ZC4H2: variants seen among roughly 807,000 people sequenced by gnomAD.
ZC4H2 encodes the protein zinc finger C4H2 domain-containing protein.
For synonymous variants in ZC4H2, 84 were observed against 66.3 expected (o/e 1.27, Z -1.30); for missense variants, 137 against 173.9 (o/e 0.79, Z 1.19).
At chrX:64,956,489 T>G (rs1931161201) in intron 1 of ZC4H2, among the ~76,000 whole-genome samples, 1 of 111,303 alleles carries the variant, frequency 9.0e-6, no homozygotes, top group Admixed American at 9.6e-5. Context: ...GAAAAAAATA[T>G]GCAACCATGA....
Position 64,921,859 on chromosome X carries a change from G to A in ZC4H2, c.183C>T (p.Ala61=). The change falls in exon 2 of 5, where the codon GCC becomes GCT. Residue 61 remains alanine, a synonymous_variant. Transcript: ENST00000374839. ...EMDLLLQEKM[A]HVEELRLIHA... is the part of the protein sequence containing the mutation. ...GGATCAGTCGGAGTTCCTCCACATGGGCCATCTTCTCCTGTAGCAGAAGGT... is the reference window on the plus strand; with the variant it reads ...GGATCAGTCGGAGTTCCTCCACATGAGCCATCTTCTCCTGTAGCAGAAGGT... 2.5e-6 allele frequency: 3 copies of A among 1,210,274 alleles called. No individual in the cohort carries two copies. Among genetic ancestry groups the A allele is most frequent in the South Asian group, 1.8e-5 (1 of 56,796 alleles).
At position 64,915,853 on chromosome X, in the gene ZC4H2, T is replaced by C. The variant is rs900373900; in HGVS notation, c.*1930A>G. 8.9e-6 allele frequency: 1 copy of C among 112,088 alleles called. No individual in the cohort carries two copies. The highest frequency in any genetic ancestry group is 3.2e-5 in the African/African-American group (1 of 30,867). 9.2% of individuals were successfully genotyped at this position (112,088 alleles called of 1,213,427 possible). A position where few individuals can be genotyped will look rare whatever the true frequency, so the allele number is the denominator to read the frequency against. On this transcript the variant is annotated 3_prime_UTR_variant, in exon 5 of 5. Coordinates refer to ENST00000374839, the MANE Select transcript of ZC4H2 (RefSeq NM_018684.4). Reference sequence around the variant, plus strand: ...GGCACAGAGAGGTTTTATTTAGCTGTTGAATTCCCTGACAAGCACAGAGAC... The same window carrying C: ...GGCACAGAGAGGTTTTATTTAGCTGCTGAATTCCCTGACAAGCACAGAGAC...
chrX:64,921,723 G>C, intron 2 of ZC4H2, 94 bp downstream of exon 2: 1 of 987,416 alleles, frequency 1.0e-6, no homozygotes, highest in South Asian at 2.4e-5. Flanking sequence ...TGCTCCCCGA[G>C]CTAGGCCTAA....
intron 1 of ZC4H2, among the ~76,000 whole-genome samples, chrX:64,934,153 C>T (rs1258256867): frequency 8.9e-6 from 1 of 112,164 alleles, no homozygotes; most frequent in African/African-American, 3.2e-5. Flanking sequence ...TTTTGTCCCA[C>T]AGGGTGTTAC....
At chrX:65,017,434 G>A (rs1271051396) in intron 1 of ZC4H2, among the ~76,000 whole-genome samples, 4 of 112,711 alleles carry the variant, frequency 3.5e-5, no homozygotes, top group African/African-American at 1.3e-4. Flanking sequence ...AGCAATATCA[G>A]AATGTCTACA....
chrX:64,926,978 A>G (rs1253003363), intron 1 of ZC4H2, among the ~76,000 whole-genome samples: 3 of 111,300 alleles, frequency 2.7e-5, no homozygotes, highest in African/African-American at 9.8e-5. Flanking sequence ...GTTGAGTTTT[A>G]ATATTTCTTT....
chrX:64,979,278 C>T (rs1932039178), upstream of ZC4H2, among the ~76,000 whole-genome samples: 1 of 111,960 alleles, frequency 8.9e-6, no homozygotes, highest in Non-Finnish European at 1.9e-5. Context: ...TACTTTTCAG[C>T]CAGAAGGTGC....
At chrX:64,986,304 G>A (rs776570412) in intron 1 of ZC4H2, among the ~76,000 whole-genome samples, 36 of 112,153 alleles carry the variant, frequency 3.2e-4, no homozygotes, top group Admixed American at 1.4e-3. Context: ...CAAGCTAGAT[G>A]CTCTGCCTTC....
chrX:64,954,345 T>A (rs1390095171), intron 1 of ZC4H2, among the ~76,000 whole-genome samples: 3 of 73,822 alleles, frequency 4.1e-5, no homozygotes, highest in East Asian at 3.5e-4. Context: ...TATAATTATA[T>A]ATATATATAA....
intron 1 of ZC4H2, among the ~76,000 whole-genome samples, chrX:65,001,118 A>G (rs1932526598): frequency 9.0e-6 from 1 of 111,117 alleles, no homozygotes; most frequent in Non-Finnish European, 1.9e-5. Flanking sequence ...AAGAGTAACC[A>G]GAAGACACAT....
At chrX:64,952,502 C>G (rs1930902739) in intron 1 of ZC4H2, among the ~76,000 whole-genome samples, 1 of 110,658 alleles carries the variant, frequency 9.0e-6, no homozygotes, top group Non-Finnish European at 1.9e-5. Flanking sequence ...GCAAAAATCA[C>G]AAGCATTCTT....
At chrX:64,958,455 A>C (rs1025678494) in intron 1 of ZC4H2, among the ~76,000 whole-genome samples, 1 of 111,577 alleles carries the variant, frequency 9.0e-6, no homozygotes, top group African/African-American at 3.3e-5. Flanking sequence ...ATATTGGCCA[A>C]TTTCCAAAAT....
In ZC4H2 at chrX:64,935,451, C is replaced by T. The variant is rs765752626; in HGVS notation, c.54-13463G>A. ...AGCTCTGAAGAGAGCAGTGGACCTC[C>T]CAGCACAGCATTCAAGCTCTGCTAA... is the stretch of plus-strand genomic sequence containing the variant. On this transcript the variant is annotated intron_variant, in intron 1 of 4. Coordinates refer to ENST00000374839, the MANE Select transcript of ZC4H2 (RefSeq NM_018684.4). Among the ~76,000 whole-genome samples, 4 of 112,218 alleles carry T rather than the reference C, an allele frequency of 3.6e-5. No homozygotes were observed. In the East Asian group the frequency reaches 1.1e-3, roughly 32 times the overall value.
chrX:64,939,400 G>T (rs1930162447), intron 1 of ZC4H2, among the ~76,000 whole-genome samples: 1 of 111,718 alleles, frequency 9.0e-6, no homozygotes, highest in Admixed American at 9.5e-5. Context: ...TCCCCATCAA[G>T]ATACCATTGA....
intron 1 of ZC4H2, among the ~76,000 whole-genome samples, chrX:64,993,434 G>A (rs936726354): frequency 1.2e-4 from 13 of 111,374 alleles, no homozygotes; most frequent in African/African-American, 3.9e-4. Context: ...CCAAGACGAT[G>A]GTATTAGTAG....
chrX:64,918,221 C>G, intron 4 of ZC4H2: 1 of 162,441 alleles, frequency 6.2e-6, no homozygotes, highest in Non-Finnish European at 1.2e-5. Flanking sequence ...CAGGGGTCAA[C>G]AAACATTTTC....
chrX:64,967,711 T>C (rs1333511377), intron 1 of ZC4H2, among the ~76,000 whole-genome samples: 1 of 111,732 alleles, frequency 8.9e-6, no homozygotes. Context: ...CAGAGGTGAA[T>C]AAATAAAGGT....
chrX:65,030,183 T>C (rs191278840), intron 1 of ZC4H2, among the ~76,000 whole-genome samples: 12 of 111,696 alleles, frequency 1.1e-4, no homozygotes, highest in Admixed American at 3.8e-4. Context: ...AGTGGAGCAA[T>C]TGCAGTTCAC....
At chrX:64,941,794 C>T (rs1279144929) in intron 1 of ZC4H2, among the ~76,000 whole-genome samples, 1 of 111,174 alleles carries the variant, frequency 9.0e-6, no homozygotes, top group Non-Finnish European at 1.9e-5. Flanking sequence ...ATTCGGTTTG[C>T]CAGTATTTCT....
Sources: gnomAD v4.1 joint callset for allele counts (sites outside exome capture counted in the v4.1 genomes callset) on GRCh38, gnomAD v4.1.1 for gene constraint, MANE v1.5 for transcripts, NCBI Gene and HGNC (gene_info 2026-07-23, HGNC 2026-07-21) for gene names.